The following DNAH12 variants were observed in gnomAD, a reference collection of about 807,000 sequenced individuals.
DNAH12 encodes axonemal beta dynein heavy chain 12.
In DNAH12, 285 loss-of-function variants were observed where a neutral mutation model predicts 371.5. The observed-to-expected ratio is 0.77, with a 90% CI of 0.70 to 0.85. DNAH12 has a LOEUF of 0.85. Ranked by LOEUF, DNAH12 falls within the 40% of genes least tolerant of loss-of-function variation. The pLI is 0.00. For synonymous variants in DNAH12, 1,200 were observed against 1,213.0 expected, an observed-to-expected ratio of 0.99 and a Z score of 0.22; for missense variants, 3,611 against 3,689.4, an observed-to-expected ratio of 0.98 and a Z score of 0.55.
chr3:57,415,849 C>T (rs1272758923), intron 37 of DNAH12, among the ~76,000 whole-genome samples: 8 of 147,132 alleles, frequency 5.4e-5, no homozygotes, highest in African/African-American at 2.0e-4. Flanking sequence ...AGGGCAGTGA[C>T]GTGATCTTGG....
intron 55 of DNAH12, among the ~76,000 whole-genome samples, chr3:57,374,510 G>A (rs2063240961): frequency 6.6e-6 from 1 of 152,144 alleles, no homozygotes; most frequent in Non-Finnish European, 1.5e-5. Flanking sequence ...AGTTTTTATA[G>A]TTATCAGACT....
At chr3:57,358,338 TA>T (rs1216567870) in intron 58 of DNAH12, among the ~76,000 whole-genome samples, 61 of 152,230 alleles carry the variant, frequency 4.0e-4, no homozygotes, top group African/African-American at 1.5e-3. Context: ...ACAAAAGTCT[TA>T]AAAGAAACTG....
At chr3:57,318,276 G>A (rs887179146) in intron 65 of DNAH12, among the ~76,000 whole-genome samples, 3 of 152,064 alleles carry the variant, frequency 2.0e-5, no homozygotes, top group African/African-American at 7.2e-5. Context: ...TCTTCCGTAA[G>A]TTTTACAGTT....
Position 57,542,741 on chromosome 3 carries a change from T to G in DNAH12, c.130A>C (p.Arg44=). The change falls in exon 2 of 74, where the codon AGA becomes CGA. Residue 44 remains arginine (R), a synonymous_variant. Coordinates refer to ENST00000495027, the MANE Select transcript of DNAH12 (RefSeq NM_001366028.2). ...TPTQSKLLKY[R]RSKEQQQKIN... is the part of the protein sequence containing the mutation. Reference sequence around the variant, plus strand: ...TTCTGCTGCTGCTCCTTGGATCTTCTGTATTTTAGCAGCTTACTTTGTGTT... The same window carrying G: ...TTCTGCTGCTGCTCCTTGGATCTTCGGTATTTTAGCAGCTTACTTTGTGTT... 6.2e-7 allele frequency: 1 copy of G among 1,608,664 alleles called. No homozygotes were observed. The highest frequency in any genetic ancestry group is 8.5e-7 in the Non-Finnish European group (1 of 1,177,566).
At chr3:57,467,585 G>C (rs971771029) in intron 17 of DNAH12, among the ~76,000 whole-genome samples, 15 of 152,052 alleles carry the variant, frequency 9.9e-5, no homozygotes, top group African/African-American at 3.6e-4. Flanking sequence ...TTAATGGTAG[G>C]CTATTTTATT....
chr3:57,427,801 A>T (rs904342865), intron 34 of DNAH12, among the ~76,000 whole-genome samples: 1 of 152,170 alleles, frequency 6.6e-6, no homozygotes, highest in Non-Finnish European at 1.5e-5. Flanking sequence ...AATCTGGACA[A>T]GGTAAGAAAA....
intron 30 of DNAH12, among the ~76,000 whole-genome samples, chr3:57,435,565 G>A (rs1431098375): frequency 6.6e-6 from 1 of 152,046 alleles, no homozygotes; most frequent in Non-Finnish European, 1.5e-5. Context: ...GAGCTGTCTA[G>A]AATCAAATAG....
In DNAH12 at chr3:57,293,947, G is replaced by A. The variant is rs773673721; in HGVS notation, c.11717C>T (p.Ser3906Leu). The A allele has an allele frequency of 9.6e-5, 134 of 1,398,474 alleles. No homozygotes were observed. The Middle Eastern group carries it at 1.3e-3, about 14-fold the overall frequency. The allele number at this position is 1,398,474 out of a possible 1,614,324, so 86.6% of individuals were successfully genotyped here. A position where few individuals can be genotyped will look rare whatever the true frequency, so the allele number is the denominator to read the frequency against. Residue 3906 changes from serine (S) to leucine (L), a missense_variant, in exon 74 of 74, where the codon TCG becomes TTG. Ser to Leu is a moderately radical substitution (Grantham distance 145, BLOSUM62 -2). This residue lies in a region of DNAH12 where 2,266 missense variants were observed against 2,236.9 expected (regional missense o/e 1.01). Coordinates refer to ENST00000495027, the MANE Select transcript of DNAH12 (RefSeq NM_001366028.2). ...GTAGAGGGGACAGACATAGGCATCC[G>A]ACTTTATAATCCGAGATTTTTGAGC... ...KPTQKSRIIK[S>L]DAYVCPLYKT...
In DNAH12 at chr3:57,472,686, C is replaced by G. The variant is rs2066400612; in HGVS notation, c.1651-15G>C. 9 of 1,546,160 alleles carry G rather than the reference C, an allele frequency of 5.8e-6. No homozygotes were observed. Among genetic ancestry groups the G allele is most frequent in the Non-Finnish European group, 7.0e-6 (8 of 1,144,690 alleles). ...CGTTTAGATTCCTACAAAAGAAACT[C>G]TGGATATAATATGTCATATAGAAAA... On this transcript the variant is annotated splice_polypyrimidine_tract_variant and intron_variant, in intron 13 of 73. Transcript: ENST00000495027.
chr3:57,546,399 G>C (rs2069576038), upstream of DNAH12, among the ~76,000 whole-genome samples: 1 of 152,120 alleles, frequency 6.6e-6, no homozygotes, highest in Admixed American at 6.5e-5. Flanking sequence ...GCATTGCTGA[G>C]ACTACAGCAA....
chr3:57,350,611 G>T (rs2062650124), intron 60 of DNAH12, among the ~76,000 whole-genome samples: 1 of 152,126 alleles, frequency 6.6e-6, no homozygotes. Flanking sequence ...ATAATATTGG[G>T]CTGTGAAAAG....
intron 69 of DNAH12, among the ~76,000 whole-genome samples, chr3:57,305,480 C>G (rs764273130): frequency 6.6e-6 from 1 of 152,174 alleles, no homozygotes; most frequent in Admixed American, 6.5e-5. Flanking sequence ...TAGCCCTCCC[C>G]CTCCTGCCCA....
Position 57,425,108 on chromosome 3 carries a change from C to A in DNAH12, c.5287G>T (p.Val1763Leu), listed in dbSNP as rs916784712. 87 of 702,654 alleles carry A rather than the reference C, an allele frequency of 1.2e-4. No individual in the cohort carries two copies. The highest frequency in any genetic ancestry group is 2.1e-4 in the Non-Finnish European group (80 of 384,894). 43.5% of individuals were successfully genotyped at this position (702,654 alleles called of 1,614,324 possible). A position where few individuals can be genotyped will look rare whatever the true frequency, so the allele number is the denominator to read the frequency against. The change falls in exon 35 of 74, where the codon GTA (valine) becomes TTA (leucine). Residue 1763 changes from valine (V) to leucine (L), a missense_variant. Physicochemically the swap from Val to Leu is conservative, Grantham distance 32. This residue lies in a region of DNAH12 where 2,266 missense variants were observed against 2,236.9 expected (regional missense o/e 1.01). Transcript: ENST00000495027. Reference sequence around the variant, plus strand: ...ACTTCAAAGAGGCGTGTGAGAGATACAACCACGTTGCTGTTGCTTGTAGGA... The same window carrying A: ...ACTTCAAAGAGGCGTGTGAGAGATAAAACCACGTTGCTGTTGCTTGTAGGA... The part of the protein sequence containing the change: ...LIPTSNSNVV[V>L]SLTRLFEVLL...
At chr3:57,447,393 C>G (rs1016699203) in intron 25 of DNAH12, among the ~76,000 whole-genome samples, 6 of 152,226 alleles carry the variant, frequency 3.9e-5, no homozygotes, top group Non-Finnish European at 7.4e-5. Context: ...ACAGTCAGCT[C>G]TAACTATGGA....
At chr3:57,483,170 C>T (rs1384037280) in intron 13 of DNAH12, among the ~76,000 whole-genome samples, 1 of 150,208 alleles carries the variant, frequency 6.7e-6, no homozygotes, top group Non-Finnish European at 1.5e-5. Context: ...TAGAAGAGGA[C>T]AGGGGAGAAG....
chr3:57,301,147 T>C (rs1474097172), intron 70 of DNAH12, among the ~76,000 whole-genome samples: 2 of 151,370 alleles, frequency 1.3e-5, no homozygotes, highest in African/African-American at 4.9e-5. Flanking sequence ...ATTAGCCACG[T>C]ATGGTGGCAC....
intron 69 of DNAH12, among the ~76,000 whole-genome samples, chr3:57,305,575 C>A (rs148766292): frequency 0.024 from 3,637 of 152,246 alleles, 65 homozygotes; most frequent in Admixed American, 0.035. Flanking sequence ...TCTCCCAAAT[C>A]AGTTAGTGTT....
At chr3:57,353,149 G>A in intron 59 of DNAH12, among the ~76,000 whole-genome samples, 1 of 56,822 alleles carries the variant, frequency 1.8e-5, no homozygotes, top group East Asian at 3.2e-4. Context: ...ACTGGGTGGA[G>A]TTGACTGATA....
intron 49 of DNAH12, among the ~76,000 whole-genome samples, chr3:57,384,156 A>G (rs1478180238): frequency 1.3e-5 from 2 of 152,076 alleles, no homozygotes; most frequent in African/African-American, 4.8e-5. Flanking sequence ...TGTGGTACAG[A>G]TAGGTGCCAG....
Sources: allele counts gnomAD v4.1 joint callset (sites outside exome capture counted in the v4.1 genomes callset), GRCh38; gene constraint gnomAD v4.1.1; regional missense constraint gnomAD v4.1.1; transcripts MANE v1.5; gene names NCBI Gene and HGNC (gene_info 2026-07-23, HGNC 2026-07-21).